EPHA4: variants seen among roughly 807,000 people sequenced by gnomAD.
EPHA4 encodes EPH receptor A4.
In EPHA4, 19 loss-of-function variants were observed where a neutral mutation model predicts 108.3. The ratio of observed to expected loss-of-function variants is 0.18; its 90% CI spans 0.12 to 0.26. The LOEUF is 0.26. EPHA4 is among the 10% of genes least tolerant of loss of function. The pLI is 1.00. For missense variants in EPHA4, 917 were observed against 1,254.0 expected, an observed-to-expected ratio of 0.73 and a Z score of 4.06; for synonymous variants, 449 against 455.5, an observed-to-expected ratio of 0.99 and a Z score of 0.18.
chr2:221,459,223 T>C (rs1345945503), intron 5 of EPHA4, among the ~76,000 whole-genome samples: 1 of 151,862 alleles, frequency 6.6e-6, no homozygotes, highest in Non-Finnish European at 1.5e-5. Flanking sequence ...TCCAGTACGG[T>C]AGAGACTGTC....
chr2:221,560,158 T>C (rs1039551227), intron 3 of EPHA4, among the ~76,000 whole-genome samples: 2 of 125,790 alleles, frequency 1.6e-5, no homozygotes, highest in African/African-American at 6.1e-5. Flanking sequence ...ACATTTAAGA[T>C]CTTAATCAAT....
At chr2:221,548,886 G>T (rs1253882898) in intron 3 of EPHA4, among the ~76,000 whole-genome samples, 2 of 152,266 alleles carry the variant, frequency 1.3e-5, no homozygotes, top group South Asian at 2.1e-4. Context: ...ATTTCAAAAT[G>T]CAAGGGCAGG....
intron 4 of EPHA4, among the ~76,000 whole-genome samples, chr2:221,496,903 C>T (rs61359577): frequency 0.034 from 5,129 of 151,472 alleles, 294 homozygotes; most frequent in African/African-American, 0.12. Flanking sequence ...GAGCAAAACT[C>T]GGTCTCAAAA....
intron 8 of EPHA4, among the ~76,000 whole-genome samples, chr2:221,451,467 G>T (rs182786298): frequency 1.3e-5 from 2 of 152,230 alleles, no homozygotes; most frequent in Admixed American, 1.3e-4. Context: ...TAGAAAAGTG[G>T]TTATGTTGTG....
intron 3 of EPHA4, among the ~76,000 whole-genome samples, chr2:221,528,748 T>C (rs893602584): frequency 1.1e-4 from 16 of 152,156 alleles, no homozygotes; most frequent in African/African-American, 3.9e-4. Context: ...CATTTCCCCA[T>C]CCTCTGATGC....
chr2:221,565,624 G>A (rs1694608037), intron 2 of EPHA4, among the ~76,000 whole-genome samples: 1 of 152,088 alleles, frequency 6.6e-6, no homozygotes, highest in African/African-American at 2.4e-5. Flanking sequence ...ACTCTTAATG[G>A]ATGGAAATGT....
At chr2:221,441,770 G>A (rs1690438237) in intron 11 of EPHA4, among the ~76,000 whole-genome samples, 1 of 152,078 alleles carries the variant, frequency 6.6e-6, no homozygotes, top group Non-Finnish European at 1.5e-5. Context: ...GAGCTCGGTG[G>A]CCAAGCAAAA....
chr2:221,544,816 A>C lies in EPHA4; in HGVS notation c.823+18915T>G, dbSNP rs184780860. ...GGTGAGATCTTATTCTGATAAGGCT[A>C]GTACCCTTACAAGAAAAGGAAGAGA... On this transcript the variant is annotated intron_variant, in intron 3 of 17. Coordinates refer to ENST00000281821, the MANE Select transcript of EPHA4 (RefSeq NM_004438.5). Among the ~76,000 whole-genome samples the C allele has an allele frequency of 2.6e-5, 4 of 152,308 alleles. No homozygotes were observed. The East Asian group carries it at 7.7e-4, about 29-fold the overall frequency.
chr2:221,504,283 C>T (rs139163476), intron 3 of EPHA4, among the ~76,000 whole-genome samples: 75 of 152,238 alleles, frequency 4.9e-4, no homozygotes, highest in African/African-American at 1.7e-3. Flanking sequence ...GCAAACTTTG[C>T]ATTCAATTCC....
intron 3 of EPHA4, among the ~76,000 whole-genome samples, chr2:221,530,736 T>A (rs1201220921): frequency 6.6e-6 from 1 of 152,132 alleles, no homozygotes; most frequent in Non-Finnish European, 1.5e-5. Context: ...ATGGGGTGTA[T>A]CTGTAGCCCT....
intron 5 of EPHA4, among the ~76,000 whole-genome samples, chr2:221,460,215 G>A (rs961659730): frequency 1.3e-5 from 2 of 152,168 alleles, no homozygotes; most frequent in South Asian, 2.1e-4. Context: ...CCAACAGAGT[G>A]TACCTTGACA....
rs1253496778 is a variant in EPHA4, at chr2:221,430,169, A to G, written c.2497-18T>C. 6.3e-7 allele frequency: 1 copy of G among 1,583,586 alleles called. No individual in the cohort carries two copies. Among genetic ancestry groups the G allele is most frequent in the Non-Finnish European group, 8.6e-7 (1 of 1,166,810 alleles). Reference sequence around the variant, plus strand: ...TTAATCACCTATGGAAGACAACAGGATGGTATGTTAAGCTGCCAGGCAAGC... The same window carrying G: ...TTAATCACCTATGGAAGACAACAGGGTGGTATGTTAAGCTGCCAGGCAAGC... On this transcript the variant is annotated intron_variant, in intron 14 of 17. Coordinates refer to ENST00000281821, the MANE Select transcript of EPHA4 (RefSeq NM_004438.5).
Position 221,491,686 on chromosome 2 carries a change from TC to T in EPHA4, c.980-8997del, listed in dbSNP as rs1381235195. 3.9e-5 allele frequency among the ~76,000 whole-genome samples: 6 copies of T among 152,286 alleles called. No homozygotes were observed. The East Asian group carries it at 1.2e-3, about 29-fold the overall frequency. On this transcript the variant is annotated intron_variant, in intron 4 of 17. Coordinates refer to ENST00000281821, the MANE Select transcript of EPHA4 (RefSeq NM_004438.5). ...CTACTTCCCAGATGATCCTCTTTTA[TC>T]ATTTTCATGGGGATTATCTTTTCTG... is the stretch of plus-strand genomic sequence containing the variant.
intron 12 of EPHA4, among the ~76,000 whole-genome samples, 178 bp from the exon 13 acceptor site, chr2:221,436,786 G>C (rs1327312008): frequency 2.6e-5 from 4 of 152,166 alleles, no homozygotes; most frequent in Admixed American, 2.6e-4. Flanking sequence ...TACCCTAGGA[G>C]CTGGGTTTGC....
intron 3 of EPHA4, among the ~76,000 whole-genome samples, chr2:221,550,279 T>G (rs772835738): frequency 1.4e-4 from 21 of 152,212 alleles, no homozygotes; most frequent in Non-Finnish European, 2.9e-4. Flanking sequence ...CCAGAGCCAG[T>G]GTTAATGGTG....
intron 13 of EPHA4, 122 bp from the exon 14 acceptor site, chr2:221,434,413 A>C (rs1690168883): frequency 2.0e-6 from 2 of 985,050 alleles, no homozygotes; most frequent in Non-Finnish European, 3.0e-6. Context: ...CTCTCAAAAC[A>C]ATAAGACACT....
At chr2:221,560,228 C>A (rs1694421586) in intron 3 of EPHA4, among the ~76,000 whole-genome samples, 1 of 152,138 alleles carries the variant, frequency 6.6e-6, no homozygotes, top group Non-Finnish European at 1.5e-5. Context: ...GACCTTTCAC[C>A]TGTTCTTCTA....
chr2:221,572,013 C>T (rs1442499798), intron 1 of EPHA4, 145 bp downstream of exon 1: 5 of 692,288 alleles, frequency 7.2e-6, no homozygotes, highest in Non-Finnish European at 1.2e-5. Context: ...CGCCGATCCC[C>T]TCGCCTCAGC....
chr2:221,476,046 C>T (rs1691645409), intron 5 of EPHA4, among the ~76,000 whole-genome samples: 1 of 152,124 alleles, frequency 6.6e-6, no homozygotes, highest in Admixed American at 6.6e-5. Flanking sequence ...ATGGAAAACC[C>T]CATCTCTACT....
Sources: allele counts gnomAD v4.1 joint callset (sites outside exome capture counted in the v4.1 genomes callset), GRCh38; gene constraint gnomAD v4.1.1; transcripts MANE v1.5; gene names NCBI Gene and HGNC (gene_info 2026-07-23, HGNC 2026-07-21).